Variants in MTCL1 observed in about 807,000 individuals in gnomAD.
MTCL1 encodes the protein microtubule crosslinking factor 1.
Under a neutral mutation model 141.4 loss-of-function variants are expected in MTCL1, and 79 were observed. The ratio of observed to expected loss-of-function variants is 0.56; its 90% CI spans 0.47 to 0.67. The LOEUF (loss-of-function observed/expected upper bound fraction) is 0.67, where lower values mean the gene tolerates loss of function less well. Among genes scored for constraint, MTCL1 ranks in the 30% least tolerant of loss-of-function variants. MTCL1 has a pLI of 0.00. For synonymous variants in MTCL1, 914 were observed against 875.8 expected, an observed-to-expected ratio of 1.04 and a Z score of -0.77; for missense variants, 2,177 against 2,113.9, an observed-to-expected ratio of 1.03 and a Z score of -0.59.
At chr18:8,784,184 G>A (rs766057158) in exon 6 of MTCL1, 17 of 1,613,704 alleles carry the variant, frequency 1.1e-5, no homozygotes, top group South Asian at 1.1e-5. Flanking sequence ...ACTGCAGCAC[G>A]AGAACCACGC....
chr18:8,830,992 A>G lies in MTCL1; in HGVS notation c.*19-615A>G. On this transcript the variant is annotated intron_variant, in intron 16 of 16. Transcript: ENST00000359865. The surrounding 1 kb of genome is among the most constrained non-coding windows in gnomAD (Gnocchi z 6.4). ...TTTTAAAATGCTGCTGCAATTGAACAGTCATTAAAGAAAACCAGACCCAAA... is the reference window on the plus strand; with the variant it reads ...TTTTAAAATGCTGCTGCAATTGAACGGTCATTAAAGAAAACCAGACCCAAA... 2.0e-6 allele frequency: 2 copies of G among 985,900 alleles called. No homozygotes were observed. The highest frequency in any genetic ancestry group is 1.1e-4 in the East Asian group (1 of 8,820). The allele number at this position is 985,900 out of a possible 1,614,324, so 61.1% of individuals were successfully genotyped here. A position where few individuals can be genotyped will look rare whatever the true frequency, so the allele number is the denominator to read the frequency against.
chr18:8,797,524 AC>A (rs1404081750), intron 9 of MTCL1, among the ~76,000 whole-genome samples: 2 of 152,156 alleles, frequency 1.3e-5, no homozygotes, highest in Non-Finnish European at 2.9e-5. Flanking sequence ...TACATCACTG[AC>A]CCTGGCTTCT....
intron 4 of MTCL1, among the ~76,000 whole-genome samples, chr18:8,742,607 CT>C (rs1443311474): frequency 1.3e-5 from 2 of 152,184 alleles, no homozygotes; most frequent in African/African-American, 4.8e-5. Context: ...TTACTTCCAT[CT>C]GGTCCCACCC....
intron 3 of MTCL1, among the ~76,000 whole-genome samples, chr18:8,719,664 G>A (rs2096154744): frequency 1.3e-5 from 2 of 152,174 alleles, no homozygotes; most frequent in Admixed American, 6.5e-5. Flanking sequence ...CTGGGCTCAA[G>A]CAACCCTCCC....
At chr18:8,788,333 C>G (rs985166618) in intron 7 of MTCL1, among the ~76,000 whole-genome samples, 2 of 152,170 alleles carry the variant, frequency 1.3e-5, no homozygotes, top group Admixed American at 6.5e-5. Flanking sequence ...CCCTTTAGCT[C>G]TCTGCCCGTA....
rs1159695586 is a variant in MTCL1, at chr18:8,772,255, CTA to C, written c.358-5574_358-5573del. ...TTTTAACCAACCACATATGCATAGG[CTA>C]TATTCGAAGGACCAAGCTGATGAAA... On this transcript the variant is annotated intron_variant, in intron 4 of 16. Transcript: ENST00000359865. Among the ~76,000 whole-genome samples the C allele has an allele frequency of 2.6e-5, 4 of 152,306 alleles. No homozygotes were observed. In the East Asian group the frequency reaches 7.7e-4, roughly 29 times the overall value.
At chr18:8,743,686 T>G (rs994214684) in intron 4 of MTCL1, among the ~76,000 whole-genome samples, 6 of 152,230 alleles carry the variant, frequency 3.9e-5, no homozygotes, top group African/African-American at 1.4e-4. Flanking sequence ...TCCCTGCCAT[T>G]TGTCTGGTGC....
intron 8 of MTCL1, among the ~76,000 whole-genome samples, chr18:8,794,943 C>G (rs1191788543): frequency 2.0e-5 from 3 of 152,162 alleles, no homozygotes; most frequent in Non-Finnish European, 4.4e-5. Context: ...ATACACTTCC[C>G]CCACCCAAAA....
At chr18:8,714,819 T>C (rs574244473), upstream of MTCL1, among the ~76,000 whole-genome samples, 60 of 151,778 alleles carry the variant, frequency 4.0e-4, 1 homozygote, top group African/African-American at 1.2e-3. Flanking sequence ...TTTTTTGAGG[T>C]GGAGTCTCAC....
chr18:8,727,116 T>A (rs2148846023), intron 4 of MTCL1, among the ~76,000 whole-genome samples: 1 of 152,364 alleles, frequency 6.6e-6, no homozygotes, highest in African/African-American at 2.4e-5. Flanking sequence ...TCCATGTTGC[T>A]GCGAAAGACA....
intron 4 of MTCL1, among the ~76,000 whole-genome samples, chr18:8,731,707 C>CA (rs34114623): frequency 2.6e-5 from 4 of 151,298 alleles, no homozygotes; most frequent in Non-Finnish European, 5.9e-5. Context: ...CTGCTCTTCT[C>CA]AAAAAAAAAA....
At chr18:8,812,805 CTG>C (rs1168997943) in intron 11 of MTCL1, 172 bp from the exon 11 acceptor site, 1 of 741,512 alleles carries the variant, frequency 1.3e-6, no homozygotes, top group African/African-American at 1.8e-5. Context: ...TTCTTTGTGA[CTG>C]TGTCAAACGC....
At chr18:8,760,602 T>C (rs973245173) in intron 4 of MTCL1, among the ~76,000 whole-genome samples, 1 of 152,250 alleles carries the variant, frequency 6.6e-6, no homozygotes, top group African/African-American at 2.4e-5. Flanking sequence ...TGCAGTGTTT[T>C]CCTTTTCTTC....
upstream of MTCL1, among the ~76,000 whole-genome samples, chr18:8,716,092 A>G (rs2160913): frequency 6.6e-6 from 1 of 152,090 alleles, no homozygotes; most frequent in African/African-American, 2.4e-5. Context: ...CGAGTTCACA[A>G]CATTTTCAGT....
rs1598410920 is a variant in MTCL1 at position 8,728,717 on chromosome 18, A to AT, written c.357+8223dup. Among the ~76,000 whole-genome samples, 8 of 68,052 alleles carry AT rather than the reference A, an allele frequency of 1.2e-4. No homozygotes were observed. In the East Asian group the frequency reaches 2.8e-3, roughly 24 times the overall value. The allele number at this position is 68,052 out of a possible 152,430, so 44.6% of individuals were successfully genotyped here. ...CATGTGGGGCCTTCTTATGTTGTCC[A>AT]TTCTTTTTTTTTTTTTTTTTTTTTT... On this transcript the variant is annotated intron_variant, in intron 4 of 16. Coordinates refer to ENST00000359865, the Ensembl canonical transcript of MTCL1.
At chr18:8,739,542 A>G (rs1289091105) in intron 4 of MTCL1, among the ~76,000 whole-genome samples, 1 of 152,160 alleles carries the variant, frequency 6.6e-6, no homozygotes, top group African/African-American at 2.4e-5. Flanking sequence ...GATCAACAAC[A>G]ACATCTTTCA....
chr18:8,807,815 C>T (rs2076350503), intron 11 of MTCL1, among the ~76,000 whole-genome samples: 1 of 152,042 alleles, frequency 6.6e-6, no homozygotes, highest in African/African-American at 2.4e-5. Flanking sequence ...TCTTCCAGCC[C>T]CTTGATCATG....
intron 4 of MTCL1, among the ~76,000 whole-genome samples, chr18:8,757,397 G>A (rs1251632550): frequency 2.0e-5 from 3 of 152,102 alleles, no homozygotes; most frequent in African/African-American, 2.4e-5. Context: ...TGTGTGTCCC[G>A]GCAACCAAGG....
intron 10 of MTCL1, among the ~76,000 whole-genome samples, chr18:8,799,655 C>T (rs1251920357): frequency 6.6e-6 from 1 of 152,182 alleles, no homozygotes; most frequent in Non-Finnish European, 1.5e-5. Context: ...CTGTGCTTAC[C>T]TCCCATAATA....
Sources: allele counts gnomAD v4.1 joint callset (sites outside exome capture counted in the v4.1 genomes callset), GRCh38; gene constraint gnomAD v4.1.1; non-coding constraint Gnocchi (gnomAD v3.1); transcripts MANE v1.5; gene names NCBI Gene and HGNC (gene_info 2026-07-23, HGNC 2026-07-21).